The following PRKAG2 variants were observed in gnomAD, a reference collection of about 807,000 sequenced individuals.
PRKAG2 encodes 5'-AMP-activated protein kinase subunit gamma-2.
In PRKAG2, 26 loss-of-function variants were observed where a neutral mutation model predicts 69.6. That is an observed-to-expected ratio of 0.37 (90% CI 0.27 to 0.52). The LOEUF (loss-of-function observed/expected upper bound fraction) is 0.52, where lower values mean the gene tolerates loss of function less well. PRKAG2 is among the 20% of genes least tolerant of loss of function. The probability of loss-of-function intolerance (pLI) is 0.90; values close to 1 mark genes in which losing one functional copy is unlikely to be tolerated. For missense variants in PRKAG2, 557 were observed against 740.0 expected (o/e 0.75, Z 2.87); for synonymous variants, 293 against 285.0 (o/e 1.03, Z -0.28).
chr7:151,606,455 T>C (rs1817583338), intron 5 of PRKAG2, among the ~76,000 whole-genome samples: 1 of 152,180 alleles, frequency 6.6e-6, no homozygotes, highest in East Asian at 1.9e-4. Flanking sequence ...ATGAGTGTAA[T>C]TTGGAGTTAT....
At chr7:151,590,360 A>G (rs1467014448) in intron 6 of PRKAG2, among the ~76,000 whole-genome samples, 1 of 152,260 alleles carries the variant, frequency 6.6e-6, no homozygotes, top group Admixed American at 6.5e-5. Flanking sequence ...AACACAAAGC[A>G]TAACTCTGCG....
intron 1 of PRKAG2, among the ~76,000 whole-genome samples, chr7:151,829,874 G>A (rs548471979): frequency 2.0e-4 from 31 of 151,848 alleles, no homozygotes; most frequent in African/African-American, 6.8e-4. Context: ...GGAGGGGGAC[G>A]GTGGCCCCGT....
chr7:151,803,801 G>A (rs1423765685), intron 1 of PRKAG2, among the ~76,000 whole-genome samples: 3 of 151,570 alleles, frequency 2.0e-5, no homozygotes, highest in African/African-American at 7.3e-5. Context: ...AGCTGGGCAT[G>A]GTGGTGGGCG....
chr7:151,700,201 G>A (rs1563465510), intron 3 of PRKAG2, among the ~76,000 whole-genome samples: 1 of 152,182 alleles, frequency 6.6e-6, no homozygotes, highest in Non-Finnish European at 1.5e-5. Flanking sequence ...TAAGTTGAGT[G>A]GCTAGAAAAG....
intron 3 of PRKAG2, among the ~76,000 whole-genome samples, chr7:151,715,261 C>A (rs1795980776): frequency 6.9e-6 from 1 of 144,844 alleles, no homozygotes; most frequent in African/African-American, 2.6e-5. Flanking sequence ...GGTGAGCCAC[C>A]CACTTCAGCC....
chr7:151,860,652 C>T (rs1485059347), intron 1 of PRKAG2, among the ~76,000 whole-genome samples: 1 of 152,112 alleles, frequency 6.6e-6, no homozygotes, highest in African/African-American at 2.4e-5. Flanking sequence ...TATTTATTTT[C>T]TGGAGTCAAG....
At chr7:151,863,909 A>C (rs1392079600) in intron 1 of PRKAG2, among the ~76,000 whole-genome samples, 1 of 152,052 alleles carries the variant, frequency 6.6e-6, no homozygotes, top group African/African-American at 2.4e-5. Flanking sequence ...GTCTCAAAAA[A>C]AAAAAAAAGG....
At chr7:151,741,147 A>T (rs1192018902) in intron 3 of PRKAG2, among the ~76,000 whole-genome samples, 1 of 151,974 alleles carries the variant, frequency 6.6e-6, no homozygotes, top group Non-Finnish European at 1.5e-5. Flanking sequence ...CGGGAGGTCC[A>T]GGCTCTAGTG....
chr7:151,724,898 C>T (rs536874421), intron 3 of PRKAG2, among the ~76,000 whole-genome samples: 2 of 152,246 alleles, frequency 1.3e-5, no homozygotes, highest in East Asian at 1.9e-4. Flanking sequence ...GGACCCGGGG[C>T]GTGGCGGGGC....
At chr7:151,649,827 G>C (rs1392854167) in intron 4 of PRKAG2, among the ~76,000 whole-genome samples, 1 of 152,114 alleles carries the variant, frequency 6.6e-6, no homozygotes, top group East Asian at 1.9e-4. Flanking sequence ...TTCCTGTACA[G>C]CCTGCAGAAC....
intron 1 of PRKAG2, among the ~76,000 whole-genome samples, chr7:151,812,698 C>A (rs571954361): frequency 6.6e-6 from 1 of 152,306 alleles, no homozygotes; most frequent in South Asian, 2.1e-4. Context: ...ACTGGGTCCA[C>A]CCAACCTCAG....
chr7:151,669,352 G>A (rs934748424), intron 4 of PRKAG2, among the ~76,000 whole-genome samples: 13 of 152,272 alleles, frequency 8.5e-5, no homozygotes, highest in African/African-American at 2.2e-4. Flanking sequence ...TATCCTTGCC[G>A]AAGTCACAAC....
intron 1 of PRKAG2, among the ~76,000 whole-genome samples, chr7:151,871,048 T>A (rs544309863): frequency 6.6e-6 from 1 of 152,290 alleles, no homozygotes; most frequent in South Asian, 2.1e-4. Flanking sequence ...CTTGGGTCCA[T>A]CTCTCTGACG....
intron 5 of PRKAG2, among the ~76,000 whole-genome samples, chr7:151,628,980 C>A (rs1823716098): frequency 6.6e-6 from 1 of 152,152 alleles, no homozygotes; most frequent in Admixed American, 6.5e-5. Context: ...GCATGGAAAG[C>A]ATGCAGCCCT....
intron 1 of PRKAG2, among the ~76,000 whole-genome samples, chr7:151,829,944 G>A (rs1215677639): frequency 6.6e-6 from 1 of 151,736 alleles, no homozygotes; most frequent in Admixed American, 6.6e-5. Flanking sequence ...ACCCCCCTGA[G>A]GCCATCTGAC....
intron 4 of PRKAG2, among the ~76,000 whole-genome samples, chr7:151,653,360 T>C (rs1384704749): frequency 6.6e-6 from 1 of 152,114 alleles, no homozygotes; most frequent in East Asian, 1.9e-4. Context: ...TCAGTCCCCT[T>C]TAGATCGAAA....
intron 3 of PRKAG2, among the ~76,000 whole-genome samples, chr7:151,761,365 TACTCCTGTAGATA>T (rs925084694): frequency 5.9e-5 from 9 of 152,306 alleles, no homozygotes; most frequent in Non-Finnish European, 1.3e-4. Context: ...CTTCCCCAAT[TACTCCTGTAGATA>T]ACATCACTAT....
At chr7:151,816,665 G>A (rs777154118) in intron 1 of PRKAG2, among the ~76,000 whole-genome samples, 6 of 152,340 alleles carry the variant, frequency 3.9e-5, no homozygotes, top group South Asian at 2.1e-4. Context: ...GGCGAAGATC[G>A]AAGGGCCAAA....
chr7:151,787,801 G>A (rs557245140), intron 1 of PRKAG2, among the ~76,000 whole-genome samples: 4 of 152,124 alleles, frequency 2.6e-5, no homozygotes, highest in Non-Finnish European at 4.4e-5. Context: ...GGTCATTAAG[G>A]TGGGCCCTAG....
Sources: gnomAD v4.1 joint callset for allele counts (sites outside exome capture counted in the v4.1 genomes callset) on GRCh38, gnomAD v4.1.1 for gene constraint, MANE v1.5 for transcripts, NCBI Gene and HGNC (gene_info 2026-07-23, HGNC 2026-07-21) for gene names.